Variants in SPOCK1 observed in about 807,000 individuals in gnomAD.
SPOCK1 encodes the protein SPARC (osteonectin), cwcv and kazal like domains proteoglycan 1, also known as testican-1.
Under a neutral mutation model 55.3 loss-of-function variants are expected in SPOCK1, and 23 were observed. The ratio of observed to expected loss-of-function variants is 0.42; its 90% CI spans 0.30 to 0.59. SPOCK1 has a LOEUF of 0.59. Ranked by LOEUF, SPOCK1 falls within the 20% of genes least tolerant of loss-of-function variation. SPOCK1 has a pLI of 0.22. For missense variants in SPOCK1, 499 were observed against 552.5 expected, an observed-to-expected ratio of 0.90 and a Z score of 0.97; for synonymous variants, 226 against 221.0, an observed-to-expected ratio of 1.02 and a Z score of -0.20.
At chr5:137,262,705 G>A (rs550890370) in intron 3 of SPOCK1, among the ~76,000 whole-genome samples, 4 of 152,310 alleles carry the variant, frequency 2.6e-5, no homozygotes, top group Non-Finnish European at 4.4e-5. Context: ...GTACCAGTAC[G>A]ATGCCCCAAC....
intron 2 of SPOCK1, among the ~76,000 whole-genome samples, chr5:137,483,563 A>C (rs1328840829): frequency 1.3e-5 from 2 of 152,134 alleles, no homozygotes; most frequent in African/African-American, 4.8e-5. Flanking sequence ...ATCCAGCTGG[A>C]CTATATCTTA....
chr5:137,074,393 C>G (rs1252907379), intron 5 of SPOCK1, among the ~76,000 whole-genome samples: 2 of 152,158 alleles, frequency 1.3e-5, no homozygotes, highest in African/African-American at 4.8e-5. Context: ...CACCCCTTTT[C>G]TTAGGGGTGA....
chr5:137,194,465 G>A (rs1755258994), intron 3 of SPOCK1, among the ~76,000 whole-genome samples: 1 of 152,192 alleles, frequency 6.6e-6, no homozygotes, highest in Admixed American at 6.5e-5. Context: ...CCTCAAAGCA[G>A]AGTGGCGGGT....
At chr5:137,358,422 G>GAAGGAAGGAAGGAAGA (rs150734871) in intron 2 of SPOCK1, among the ~76,000 whole-genome samples, 1 of 120,008 alleles carries the variant, frequency 8.3e-6, no homozygotes, top group East Asian at 3.1e-4. Context: ...AGGAAGGAAG[G>GAAGGAAGGAAGGAAGA]AGGAAAGAAA....
chr5:137,347,549 A>G (rs1469977632), intron 2 of SPOCK1, among the ~76,000 whole-genome samples: 2 of 152,050 alleles, frequency 1.3e-5, no homozygotes, highest in African/African-American at 2.4e-5. Context: ...GTGAAACCCC[A>G]TCTCCACTAA....
intron 7 of SPOCK1, among the ~76,000 whole-genome samples, chr5:136,990,582 G>A (rs1292146221): frequency 2.7e-5 from 4 of 150,908 alleles, no homozygotes; most frequent in Middle Eastern, 3.4e-3. Flanking sequence ...GAGAGGCTAC[G>A]GGACATAACG....
At chr5:137,498,157 C>T (rs1439091378) in intron 2 of SPOCK1, among the ~76,000 whole-genome samples, 1 of 152,114 alleles carries the variant, frequency 6.6e-6, no homozygotes, top group Non-Finnish European at 1.5e-5. Context: ...AACAGGCAAG[C>T]GCATGGAGCC....
At chr5:137,026,109 T>C (rs1751669202) in intron 6 of SPOCK1, among the ~76,000 whole-genome samples, 1 of 152,192 alleles carries the variant, frequency 6.6e-6, no homozygotes, top group Non-Finnish European at 1.5e-5. Context: ...TAGCTCTCCA[T>C]AGGGATGGAG....
Position 137,069,176 on chromosome 5 carries a change from G to A in SPOCK1, c.475-1347C>T, listed in dbSNP as rs142773697. ...GGACAAGCTATTCAGTCCCTATACCGATTAGAAACGGAGGGAAAGAATACT... is the reference window on the plus strand; with the variant it reads ...GGACAAGCTATTCAGTCCCTATACCAATTAGAAACGGAGGGAAAGAATACT... On this transcript the variant is annotated intron_variant, in intron 5 of 10. Coordinates refer to ENST00000394945, the MANE Select transcript of SPOCK1 (RefSeq NM_004598.4). 6.6e-5 allele frequency among the ~76,000 whole-genome samples: 10 copies of A among 152,288 alleles called. No individual in the cohort carries two copies. The East Asian group carries it at 1.2e-3, about 18-fold the overall frequency.
chr5:137,417,385 A>G (rs1752360764), intron 2 of SPOCK1, among the ~76,000 whole-genome samples: 1 of 149,990 alleles, frequency 6.7e-6, no homozygotes, highest in Admixed American at 6.7e-5. Context: ...CTGAGGAAAA[A>G]TTACTGTCAA....
intron 4 of SPOCK1, among the ~76,000 whole-genome samples, chr5:137,138,710 C>CG (rs1054142164): frequency 1.3e-5 from 2 of 150,426 alleles, no homozygotes; most frequent in Non-Finnish European, 3.0e-5. Flanking sequence ...AACCCCCCCC[C>CG]CCCAAAAAAA....
chr5:137,294,257 T>C (rs1234704917), intron 2 of SPOCK1, among the ~76,000 whole-genome samples: 2 of 152,264 alleles, frequency 1.3e-5, no homozygotes, highest in Non-Finnish European at 2.9e-5. Context: ...CTAGATCATA[T>C]TTATTTCCAT....
intron 2 of SPOCK1, among the ~76,000 whole-genome samples, chr5:137,366,862 A>C (rs2127168825): frequency 6.6e-6 from 1 of 152,356 alleles, no homozygotes. Flanking sequence ...GCTCCAGCTA[A>C]GTGTGGACCA....
intron 4 of SPOCK1, among the ~76,000 whole-genome samples, chr5:137,120,699 T>C (rs1366908742): frequency 6.6e-6 from 1 of 152,210 alleles, no homozygotes; most frequent in Non-Finnish European, 1.5e-5. Context: ...CTATATGCCT[T>C]TCTATTGCTC....
At chr5:137,008,408 C>T (rs988542144) in intron 6 of SPOCK1, among the ~76,000 whole-genome samples, 3 of 151,622 alleles carry the variant, frequency 2.0e-5, no homozygotes, top group Non-Finnish European at 2.9e-5. Flanking sequence ...GATTTCAGCA[C>T]GGCAATATTC....
intron 2 of SPOCK1, among the ~76,000 whole-genome samples, chr5:137,345,814 T>A (rs1205330209): frequency 6.6e-6 from 1 of 152,122 alleles, no homozygotes; most frequent in Non-Finnish European, 1.5e-5. Flanking sequence ...TCCCAGATCT[T>A]AAGGAAGCCT....
At chr5:136,997,331 A>C (rs1751062723) in intron 6 of SPOCK1, among the ~76,000 whole-genome samples, 1 of 152,030 alleles carries the variant, frequency 6.6e-6, no homozygotes, top group South Asian at 2.1e-4. Context: ...TCTAGTCTCC[A>C]ATGCCACCAC....
At chr5:137,273,485 TTATCA>T in intron 2 of SPOCK1, 2 of 613,012 alleles carry the variant, frequency 3.3e-6, no homozygotes, top group Non-Finnish European at 4.1e-6. Context: ...AATTTTCAAA[TTATCA>T]TAACATTAGA....
intron 4 of SPOCK1, among the ~76,000 whole-genome samples, chr5:137,117,729 C>A (rs905322871): frequency 2.3e-4 from 35 of 151,848 alleles, no homozygotes; most frequent in Non-Finnish European, 1.3e-4. Context: ...AAAAAAAAAA[C>A]CATTTAGCAA....
Sources: allele counts gnomAD v4.1 joint callset (sites outside exome capture counted in the v4.1 genomes callset), GRCh38; gene constraint gnomAD v4.1.1; transcripts MANE v1.5; gene names NCBI Gene and HGNC (gene_info 2026-07-23, HGNC 2026-07-21).